The following NTRK3 variants were observed in gnomAD, a reference collection of about 807,000 sequenced individuals.
NTRK3 encodes the protein NT-3 growth factor receptor.
A neutral mutation model predicts 91.7 loss-of-function variants in NTRK3; 24 were observed. That is an observed-to-expected ratio of 0.26 (90% CI 0.19 to 0.37). The LOEUF is 0.37. Ranked by LOEUF, NTRK3 falls within the 10% of genes least tolerant of loss-of-function variation. The pLI, the probability that NTRK3 is intolerant of heterozygous loss-of-function variation, is 1.00. For synonymous variants in NTRK3, 483 were observed against 404.0 expected, an observed-to-expected ratio of 1.20 and a Z score of -2.34; for missense variants, 880 against 1,068.9, an observed-to-expected ratio of 0.82 and a Z score of 2.46.
intron 5 of NTRK3, among the ~76,000 whole-genome samples, chr15:88,165,399 A>G (rs1261751914): frequency 6.6e-6 from 1 of 152,192 alleles, no homozygotes; most frequent in Non-Finnish European, 1.5e-5. Context: ...TTAGACCTGC[A>G]CTACTGCTAT....
chr15:87,871,510 C>G (rs943286865), exon 19 of NTRK3: 1 of 230,500 alleles, frequency 4.3e-6, no homozygotes. Context: ...ATACCAACCC[C>G]CAAATAAGAT....
chr15:87,865,653 A>G lies in NTRK3; in HGVS notation c.*11282T>C, dbSNP rs1340980448. 3 of 219,454 alleles carry G rather than the reference A, an allele frequency of 1.4e-5. No homozygotes were observed. The Admixed American group carries it at 1.7e-4, about 13-fold the overall frequency. The allele number at this position is 219,454 out of a possible 1,614,324, so 13.6% of individuals were successfully genotyped here. ...TATAGAGAAAGTTTCACAGAGTCCT[A>G]TTTTTACAAAGCATTATGTTGAAAT... On this transcript the variant is annotated 3_prime_UTR_variant, in exon 19 of 19. Coordinates refer to ENST00000394480, the Ensembl canonical transcript of NTRK3.
At chr15:88,203,945 TG>T (rs113693997) in intron 3 of NTRK3, among the ~76,000 whole-genome samples, 7,884 of 152,240 alleles carry the variant, frequency 0.052, 590 homozygotes, top group African/African-American at 0.17. Context: ...ACATATGCCA[TG>T]GTGGTTTGCT....
chr15:88,066,164 C>T (rs1347563162), intron 13 of NTRK3, among the ~76,000 whole-genome samples: 1 of 152,130 alleles, frequency 6.6e-6, no homozygotes, highest in Non-Finnish European at 1.5e-5. Flanking sequence ...TGATAAAGAC[C>T]TTGCTTTTTC....
intron 13 of NTRK3, among the ~76,000 whole-genome samples, chr15:88,079,654 A>G (rs1271278947): frequency 2.0e-5 from 3 of 152,238 alleles, no homozygotes; most frequent in African/African-American, 7.2e-5. Context: ...GATTTAGTGG[A>G]CATGCCATTT....
intron 14 of NTRK3, among the ~76,000 whole-genome samples, chr15:88,005,091 C>T (rs572668329): frequency 2.6e-5 from 4 of 152,266 alleles, no homozygotes; most frequent in African/African-American, 9.6e-5. Context: ...AAGGTTTTCA[C>T]CTGCATTTGT....
At chr15:88,032,400 G>A (rs186476630) in intron 14 of NTRK3, among the ~76,000 whole-genome samples, 1 of 152,206 alleles carries the variant, frequency 6.6e-6, no homozygotes, top group East Asian at 1.9e-4. Context: ...GCACTGGAGG[G>A]GCAGCTAGAG....
At chr15:88,009,881 C>A (rs1728122213) in intron 14 of NTRK3, among the ~76,000 whole-genome samples, 1 of 152,186 alleles carries the variant, frequency 6.6e-6, no homozygotes, top group Non-Finnish European at 1.5e-5. Flanking sequence ...GAAAAAAGCA[C>A]ACTACAGACT....
intron 14 of NTRK3, among the ~76,000 whole-genome samples, chr15:88,022,414 C>G (rs1237950462): frequency 6.6e-6 from 1 of 152,168 alleles, no homozygotes; most frequent in East Asian, 1.9e-4. Context: ...TTACCTGGTT[C>G]AGAATTATGA....
chr15:88,010,180 C>G (rs1054861152), intron 14 of NTRK3, among the ~76,000 whole-genome samples: 5 of 152,204 alleles, frequency 3.3e-5, no homozygotes, highest in African/African-American at 1.2e-4. Context: ...GCCTCAGCTC[C>G]TAACCCAACT....
intron 18 of NTRK3, 87 bp from the exon 20 acceptor site, chr15:87,877,207 C>T (rs990627891): frequency 8.6e-5 from 119 of 1,390,682 alleles, no homozygotes; most frequent in African/African-American, 8.3e-4. Context: ...AACAACTTCC[C>T]GGATTAGTTT....
chr15:88,245,723 T>C (rs961017909), intron 3 of NTRK3, among the ~76,000 whole-genome samples: 1 of 152,126 alleles, frequency 6.6e-6, no homozygotes, highest in Non-Finnish European at 1.5e-5. Context: ...CACGTGCTCA[T>C]TGAAATCTTA....
chr15:87,906,728 T>A (rs923773107), intron 17 of NTRK3, among the ~76,000 whole-genome samples: 4 of 152,036 alleles, frequency 2.6e-5, no homozygotes, highest in Non-Finnish European at 4.4e-5. Context: ...TGCTTTGACG[T>A]CCCTACCTAA....
At chr15:87,913,162 G>A (rs1478175772) in intron 17 of NTRK3, among the ~76,000 whole-genome samples, 2 of 151,684 alleles carry the variant, frequency 1.3e-5, no homozygotes, top group Admixed American at 1.3e-4. Flanking sequence ...CAACTATTTA[G>A]TTGAAATGTG....
At chr15:88,214,296 C>T (rs2049532434) in intron 3 of NTRK3, among the ~76,000 whole-genome samples, 1 of 152,100 alleles carries the variant, frequency 6.6e-6, no homozygotes, top group Non-Finnish European at 1.5e-5. Flanking sequence ...TCCTCTCTTG[C>T]CTCTTCCTAG....
intron 5 of NTRK3, among the ~76,000 whole-genome samples, chr15:88,178,655 C>G (rs575459056): frequency 2.0e-5 from 3 of 152,236 alleles, no homozygotes; most frequent in Non-Finnish European, 2.9e-5. Context: ...TAAATAAATT[C>G]TCTTGGCTTG....
At position 88,220,415 on chromosome 15, in the gene NTRK3, A is replaced by C. The variant is rs78271789; in HGVS notation, c.248+35491T>G. 2.2e-3 allele frequency among the ~76,000 whole-genome samples: 330 copies of C among 152,232 alleles called. 1 individual carries two copies. Among genetic ancestry groups the C allele is most frequent in the African/African-American group, 7.7e-3 (318 of 41,544 alleles). ...CAGCCCCCAATGGGGCCTGCTGGAG[A>C]GAAAACGCCATGGGCTTGCAGGTAC... On this transcript the variant is annotated intron_variant, in intron 3 of 18. Transcript: ENST00000394480.
chr15:88,009,967 T>C (rs1399831628), intron 14 of NTRK3, among the ~76,000 whole-genome samples: 1 of 152,222 alleles, frequency 6.6e-6, no homozygotes, highest in Non-Finnish European at 1.5e-5. Flanking sequence ...AAAAACATCA[T>C]GGAGAAAGTA....
At chr15:87,879,349 G>A (rs1327563086) in intron 18 of NTRK3, among the ~76,000 whole-genome samples, 1 of 152,204 alleles carries the variant, frequency 6.6e-6, no homozygotes, top group Non-Finnish European at 1.5e-5. Context: ...CGACTGGGTT[G>A]AAAGACTGAG....
Sources: allele counts gnomAD v4.1 joint callset (sites outside exome capture counted in the v4.1 genomes callset), GRCh38; gene constraint gnomAD v4.1.1; transcripts MANE v1.5; gene names NCBI Gene and HGNC (gene_info 2026-07-23, HGNC 2026-07-21).